The following AOPEP variants were observed in gnomAD, a reference collection of about 807,000 sequenced individuals.
AOPEP encodes aminopeptidase O (putative).
In AOPEP, 77 loss-of-function variants were observed where a neutral mutation model predicts 98.1. That is an observed-to-expected ratio of 0.78 (90% CI 0.65 to 0.95). The LOEUF (loss-of-function observed/expected upper bound fraction) is 0.95. Ranked by LOEUF, AOPEP falls within the 40% of genes least tolerant of loss-of-function variation. The probability of loss-of-function intolerance (pLI) is 0.00; values close to 1 mark genes in which losing one functional copy is unlikely to be tolerated. For missense variants in AOPEP, 1,024 were observed against 1,024.7 expected (o/e 1.00, Z 0.01); for synonymous variants, 346 against 365.3 (o/e 0.95, Z 0.60).
chr9:94,869,223 C>T (rs905567789), intron 5 of AOPEP, among the ~76,000 whole-genome samples: 3 of 151,896 alleles, frequency 2.0e-5, no homozygotes, highest in Admixed American at 6.6e-5. Flanking sequence ...AGCAAGACTC[C>T]GTCTCAAAAA....
intron 5 of AOPEP, among the ~76,000 whole-genome samples, chr9:94,897,080 A>G (rs902943137): frequency 4.6e-5 from 7 of 152,106 alleles, no homozygotes; most frequent in Non-Finnish European, 2.9e-5. Flanking sequence ...ATTTTTGGAA[A>G]GGTTTAAAAA....
chr9:95,054,618 A>C (rs2066665817), intron 13 of AOPEP, among the ~76,000 whole-genome samples: 1 of 152,208 alleles, frequency 6.6e-6, no homozygotes, highest in South Asian at 2.1e-4. Flanking sequence ...TGTCTGTTTT[A>C]GGTTCTGTGG....
intron 5 of AOPEP, chr9:94,920,138 A>G (rs1017316695): frequency 2.0e-5 from 3 of 152,170 alleles, no homozygotes; most frequent in Admixed American, 6.5e-5. Context: ...AGCCTGACCA[A>G]TATGAAGAAA....
At chr9:94,756,761 C>A (rs1355931309) in intron 1 of AOPEP, among the ~76,000 whole-genome samples, 1 of 152,110 alleles carries the variant, frequency 6.6e-6, no homozygotes, top group Non-Finnish European at 1.5e-5. Flanking sequence ...CATCTCCTCC[C>A]TTTTGCTTTT....
rs1314786081 is a variant in AOPEP at position 94,956,011 on chromosome 9, C to G, written c.1868C>G (p.Ser623Cys). Residue 623 changes from serine to cysteine, a missense_variant, in exon 9 of 17, where the codon TCC becomes TGC. Physicochemically the swap from Ser to Cys is moderately radical, Grantham distance 112. This residue lies in a region of AOPEP where 566 missense variants were observed against 551.7 expected (regional missense o/e 1.03). Transcript: ENST00000375315. ...ACATTTCATGGACAGCTGATTCTTTCCCAGGTAACTTATGGGTCCTCATGA... is the reference window on the plus strand; with the variant it reads ...ACATTTCATGGACAGCTGATTCTTTGCCAGGTAACTTATGGGTCCTCATGA... ...VHTFHGQLIL[S>C]QDFLQMLLEN... 6.2e-7 allele frequency: 1 copy of G among 1,604,544 alleles called. No individual in the cohort carries two copies. The highest frequency in any genetic ancestry group is 8.5e-7 in the Non-Finnish European group (1 of 1,171,894).
intron 5 of AOPEP, among the ~76,000 whole-genome samples, chr9:94,896,244 G>T (rs562815441): frequency 6.6e-6 from 1 of 152,152 alleles, no homozygotes; most frequent in African/African-American, 2.4e-5. Flanking sequence ...TATAATGGAA[G>T]AAGAGCTCCC....
At chr9:94,799,716 G>A (rs1847806215) in intron 4 of AOPEP, among the ~76,000 whole-genome samples, 1 of 152,012 alleles carries the variant, frequency 6.6e-6, no homozygotes, top group South Asian at 2.1e-4. Context: ...TACAAAATTA[G>A]CCAGGCGTGG....
chr9:94,940,845 C>T (rs997575814), intron 7 of AOPEP, among the ~76,000 whole-genome samples: 1 of 152,128 alleles, frequency 6.6e-6, no homozygotes, highest in Non-Finnish European at 1.5e-5. Flanking sequence ...CCTTCCCTTT[C>T]CCTGCTGCCA....
intron 5 of AOPEP, among the ~76,000 whole-genome samples, chr9:94,876,039 T>A (rs778108225): frequency 2.0e-5 from 3 of 152,220 alleles, no homozygotes; most frequent in Admixed American, 6.5e-5. Flanking sequence ...AGCATTCTTA[T>A]GAAACAAACC....
chr9:94,875,279 T>C (rs923110767), intron 5 of AOPEP, among the ~76,000 whole-genome samples: 4 of 144,720 alleles, frequency 2.8e-5, no homozygotes, highest in Non-Finnish European at 5.9e-5. Flanking sequence ...GGTATGAAAG[T>C]ACTGTTTATA....
At chr9:95,039,555 A>G (rs2133538818) in intron 13 of AOPEP, among the ~76,000 whole-genome samples, 1 of 152,344 alleles carries the variant, frequency 6.6e-6, no homozygotes, top group East Asian at 1.9e-4. Flanking sequence ...CCTGGGTGAC[A>G]GAGTGAGACC....
intron 13 of AOPEP, chr9:95,022,027 G>C (rs2063493068): frequency 6.6e-6 from 1 of 152,180 alleles, no homozygotes; most frequent in South Asian, 2.1e-4. Flanking sequence ...TCTTGCTCTT[G>C]GTTCAGATTA....
chr9:95,077,301 A>G (rs2069175100), intron 14 of AOPEP, among the ~76,000 whole-genome samples: 1 of 152,194 alleles, frequency 6.6e-6, no homozygotes, highest in Admixed American at 6.5e-5. Flanking sequence ...GGGAGCAGAA[A>G]GGCAGCCAGG....
chr9:95,104,719 G>A, the AOPEP span, among the ~76,000 whole-genome samples: 4 of 152,060 alleles, frequency 2.6e-5, no homozygotes, highest in Non-Finnish European at 4.4e-5. Flanking sequence ...ACACCCTGTC[G>A]GCAGGGCTGG....
At chr9:94,790,516 C>T (rs1021325540) in intron 3 of AOPEP, among the ~76,000 whole-genome samples, 7 of 152,102 alleles carry the variant, frequency 4.6e-5, no homozygotes, top group Non-Finnish European at 2.9e-5. Context: ...CTTCTGGTTC[C>T]AGAAGCAGGG....
intron 5 of AOPEP, among the ~76,000 whole-genome samples, chr9:94,824,987 C>T (rs528442479): frequency 1.3e-5 from 2 of 151,230 alleles, no homozygotes; most frequent in South Asian, 2.1e-4. Context: ...TTATATTACA[C>T]GCCCTACCAA....
At chr9:94,733,020 A>C (rs530401985) in intron 1 of AOPEP, among the ~76,000 whole-genome samples, 1 of 152,090 alleles carries the variant, frequency 6.6e-6, no homozygotes, top group East Asian at 1.9e-4. Context: ...GGAACATGGC[A>C]TAACATCTTT....
intron 3 of AOPEP, among the ~76,000 whole-genome samples, chr9:94,786,938 G>A (rs1409499864): frequency 6.6e-6 from 1 of 152,150 alleles, no homozygotes; most frequent in Non-Finnish European, 1.5e-5. Flanking sequence ...CTTGAAGTCT[G>A]AAACAGTTGA....
chr9:95,115,798 C>T, the AOPEP span, among the ~76,000 whole-genome samples: 1 of 152,202 alleles, frequency 6.6e-6, no homozygotes, highest in African/African-American at 2.4e-5. Context: ...TCGTTTCTTC[C>T]TTTTACTAGC....
Sources: gnomAD v4.1 joint callset for allele counts (sites outside exome capture counted in the v4.1 genomes callset) on GRCh38, gnomAD v4.1.1 for gene constraint, gnomAD v4.1.1 regional missense constraint, MANE v1.5 for transcripts, NCBI Gene and HGNC (gene_info 2026-07-23, HGNC 2026-07-21) for gene names.